UST: variants seen among roughly 807,000 people sequenced by gnomAD.
The protein encoded by UST is chondroitin sulfate 2-O-sulfotransferase.
A neutral mutation model predicts 45.6 loss-of-function variants in UST; 21 were observed. That is an observed-to-expected ratio of 0.46 (90% CI 0.33 to 0.66). The LOEUF (loss-of-function observed/expected upper bound fraction) is 0.66. Ranked by LOEUF, UST falls within the 30% of genes least tolerant of loss-of-function variation. The pLI, the probability that UST is intolerant of heterozygous loss-of-function variation, is 0.02. For missense variants in UST, 463 were observed against 512.4 expected (o/e 0.90, Z 0.93); for synonymous variants, 215 against 200.6 (o/e 1.07, Z -0.61).
chr6:148,890,180 A>C (rs1157233778), intron 2 of UST, among the ~76,000 whole-genome samples: 1 of 152,200 alleles, frequency 6.6e-6, no homozygotes, highest in Non-Finnish European at 1.5e-5. Context: ...AAAATGGGTA[A>C]AAATATTACT....
chr6:148,966,797 C>T (rs573117423), intron 5 of UST, among the ~76,000 whole-genome samples: 2 of 152,310 alleles, frequency 1.3e-5, no homozygotes, highest in East Asian at 3.9e-4. Flanking sequence ...AGCGCAGTGG[C>T]AAGATCTCTG....
intron 1 of UST, among the ~76,000 whole-genome samples, chr6:148,752,824 A>G (rs888387459): frequency 2.0e-5 from 3 of 152,196 alleles, no homozygotes; most frequent in Non-Finnish European, 4.4e-5. Context: ...CATGATGGAC[A>G]ATGAAAACGC....
chr6:148,836,916 C>T (rs73001108), intron 1 of UST, among the ~76,000 whole-genome samples: 6,488 of 152,168 alleles, frequency 0.043, 248 homozygotes, highest in African/African-American at 0.1. Flanking sequence ...GGGGACTGGA[C>T]TACAAGAAAA....
At chr6:149,064,817 C>T (rs1206376007) in intron 7 of UST, among the ~76,000 whole-genome samples, 1 of 152,042 alleles carries the variant, frequency 6.6e-6, no homozygotes, top group Non-Finnish European at 1.5e-5. Context: ...AAGAATGTAG[C>T]CGCCCTTTGA....
chr6:148,968,908 C>T (rs1238487952), intron 5 of UST, among the ~76,000 whole-genome samples: 3 of 152,216 alleles, frequency 2.0e-5, no homozygotes, highest in African/African-American at 7.2e-5. Flanking sequence ...CTCTGTGACA[C>T]TGTTTATTCG....
At chr6:149,010,149 A>G (rs1019053545) in intron 5 of UST, among the ~76,000 whole-genome samples, 1 of 152,342 alleles carries the variant, frequency 6.6e-6, no homozygotes, top group South Asian at 2.1e-4. Flanking sequence ...TTACAATGAC[A>G]TGTACTACAA....
rs1775872788 is a variant in UST, at chr6:148,747,104, G to A, written c.-327G>A. Among the ~76,000 whole-genome samples, 3 of 150,784 alleles carry A rather than the reference G, an allele frequency of 2.0e-5. No individual in the cohort carries two copies. Among genetic ancestry groups the A allele is most frequent in the Admixed American group, 1.3e-4 (2 of 15,174 alleles). The stretch of plus-strand genomic sequence containing the variant: ...CCGGGGGGTCCACGCTGGCGCTGGA[G>A]GCGAGCCCCGGCGGCCGCAAGCGAG... On this transcript the variant is annotated 5_prime_UTR_variant, in exon 1 of 8. Transcript: ENST00000367463.
Position 149,075,454 on chromosome 6 carries a change from C to T in UST, c.*1338C>T, listed in dbSNP as rs946040933. 1 of 152,174 alleles carries T rather than the reference C, an allele frequency of 6.6e-6. No individual in the cohort carries two copies. Among genetic ancestry groups the T allele is most frequent in the African/African-American group, 2.4e-5 (1 of 41,422 alleles). 9.4% of individuals were successfully genotyped at this position (152,174 alleles called of 1,614,324 possible). ...AGACATCAAAAAGAAGCAGCAAGAGCTTCTGGGACAGAGACTGCTTGGCCA... is the reference window on the plus strand; with the variant it reads ...AGACATCAAAAAGAAGCAGCAAGAGTTTCTGGGACAGAGACTGCTTGGCCA... On this transcript the variant is annotated 3_prime_UTR_variant, in exon 8 of 8. Transcript: ENST00000367463.
chr6:148,839,160 C>T (rs139361310), intron 1 of UST, among the ~76,000 whole-genome samples: 4 of 150,282 alleles, frequency 2.7e-5, no homozygotes, highest in Non-Finnish European at 6.0e-5. Flanking sequence ...TGCACTCGGC[C>T]GCAGCAGAAT....
intron 1 of UST, among the ~76,000 whole-genome samples, chr6:148,811,159 A>G (rs1329170128): frequency 6.6e-6 from 1 of 152,230 alleles, no homozygotes; most frequent in Non-Finnish European, 1.5e-5. Context: ...TCAGCTGGGC[A>G]GTTCTTCTGG....
At chr6:148,775,639 T>C (rs114331886) in intron 1 of UST, among the ~76,000 whole-genome samples, 1 of 150,916 alleles carries the variant, frequency 6.6e-6, no homozygotes, top group Non-Finnish European at 1.5e-5. Context: ...TTTTTTTTTT[T>C]GGGGCGGGGA....
At chr6:148,987,319 C>T (rs540464667) in intron 5 of UST, among the ~76,000 whole-genome samples, 22 of 152,316 alleles carry the variant, frequency 1.4e-4, no homozygotes, top group African/African-American at 5.1e-4. Flanking sequence ...AGACTCTTCT[C>T]TCACTGCGTC....
intron 1 of UST, among the ~76,000 whole-genome samples, chr6:148,827,059 T>C (rs1183556962): frequency 1.3e-5 from 2 of 152,202 alleles, no homozygotes. Flanking sequence ...AGGGCCATTA[T>C]TCTACCTACC....
At chr6:148,942,946 A>G (rs1054538973) in intron 3 of UST, among the ~76,000 whole-genome samples, 1 of 152,190 alleles carries the variant, frequency 6.6e-6, no homozygotes, top group Non-Finnish European at 1.5e-5. Flanking sequence ...TGTAGGTTCC[A>G]TATTAGGGTC....
At chr6:148,879,784 A>G (rs1295361868) in intron 1 of UST, among the ~76,000 whole-genome samples, 2 of 152,152 alleles carry the variant, frequency 1.3e-5, no homozygotes, top group East Asian at 1.9e-4. Flanking sequence ...ACAATAACCT[A>G]TCAGCTTATT....
At position 149,023,101 on chromosome 6, in the gene UST, GGTGTGTGTGTGTGTGTGTGT is replaced by G. The variant is rs61544082; in HGVS notation, c.937+1650_937+1669del. ...TCCTTTTGGCTTTATCTTGTTCTAT[GGTGTGTGTGTGTGTGTGTGT>G]GTGTGTGTGTGTGTGTGTGTGTGTG... On this transcript the variant is annotated intron_variant, in intron 7 of 7. Transcript: ENST00000367463. 2.3e-4 allele frequency among the ~76,000 whole-genome samples: 33 copies of G among 143,456 alleles called. 1 individual carries two copies. The highest frequency in any genetic ancestry group is 1.4e-3 in the South Asian group (6 of 4,272). The allele number at this position is 143,456 out of a possible 152,430, so 94.1% of individuals were successfully genotyped here.
At chr6:148,981,262 T>TC (rs1781127752) in intron 5 of UST, among the ~76,000 whole-genome samples, 1 of 152,352 alleles carries the variant, frequency 6.6e-6, no homozygotes, top group South Asian at 2.1e-4. Context: ...ACTGTGATCT[T>TC]ATTTTAGAGT....
intron 1 of UST, among the ~76,000 whole-genome samples, chr6:148,880,037 G>C (rs1044591634): frequency 6.9e-6 from 1 of 145,628 alleles, no homozygotes. Flanking sequence ...TCACTGTGAT[G>C]TCTCCCTCCT....
chr6:148,869,826 T>C (rs940929182), intron 1 of UST, among the ~76,000 whole-genome samples: 1 of 152,128 alleles, frequency 6.6e-6, no homozygotes, highest in African/African-American at 2.4e-5. Context: ...CTGTCAAACA[T>C]AGGATTGATG....
Sources: gnomAD v4.1 joint callset for allele counts (sites outside exome capture counted in the v4.1 genomes callset) on GRCh38, gnomAD v4.1.1 for gene constraint, MANE v1.5 for transcripts, NCBI Gene and HGNC (gene_info 2026-07-23, HGNC 2026-07-21) for gene names.